PDIA6: variants seen among roughly 807,000 people sequenced by gnomAD.
The protein encoded by PDIA6 is protein disulfide-isomerase A6.
Under a neutral mutation model 58.4 loss-of-function variants are expected in PDIA6, and 29 were observed. The ratio of observed to expected loss-of-function variants is 0.50; its 90% CI spans 0.37 to 0.68. The LOEUF (loss-of-function observed/expected upper bound fraction) is 0.68. Among genes scored for constraint, PDIA6 ranks in the 30% least tolerant of loss-of-function variants. PDIA6 has a pLI of 0.00. For synonymous variants in PDIA6, 192 were observed against 202.6 expected (o/e 0.95, Z 0.44); for missense variants, 480 against 551.0 (o/e 0.87, Z 1.29).
upstream of PDIA6, among the ~76,000 whole-genome samples, chr2:10,813,999 A>G (rs1222809125): frequency 6.6e-6 from 1 of 152,204 alleles, no homozygotes; most frequent in Non-Finnish European, 1.5e-5. Flanking sequence ...TGCTAGGATT[A>G]CAGTTGTGAG....
At chr2:10,828,206 T>C (rs192063120) in intron 1 of PDIA6, among the ~76,000 whole-genome samples, 1 of 152,362 alleles carries the variant, frequency 6.6e-6, no homozygotes, top group Admixed American at 6.5e-5. Flanking sequence ...TCTACTCTTA[T>C]AGTATCAGAC....
intron 6 of PDIA6, among the ~76,000 whole-genome samples, chr2:10,791,204 T>C (rs1666020372): frequency 6.6e-6 from 1 of 152,084 alleles, no homozygotes; most frequent in East Asian, 1.9e-4. Context: ...AGCGCAGTGG[T>C]GTGAGCTTGG....
intron 4 of PDIA6, among the ~76,000 whole-genome samples, chr2:10,793,514 G>A (rs1009347026): frequency 6.6e-6 from 1 of 151,960 alleles, no homozygotes; most frequent in Non-Finnish European, 1.5e-5. Context: ...TCCCGGGTTC[G>A]AGTGATTTCT....
intron 2 of PDIA6, among the ~76,000 whole-genome samples, chr2:10,801,284 A>T (rs1666501544): frequency 6.6e-6 from 1 of 152,192 alleles, no homozygotes; most frequent in Non-Finnish European, 1.5e-5. Context: ...TCTCAAAAAA[A>T]GCGCTTGCTC....
At chr2:10,816,612 T>G (rs1667205201), upstream of PDIA6, among the ~76,000 whole-genome samples, 1 of 151,888 alleles carries the variant, frequency 6.6e-6, no homozygotes. Flanking sequence ...CATTTAGGTT[T>G]ATCTGAAATT....
At chr2:10,807,333 C>A (rs1453696678) in intron 1 of PDIA6, among the ~76,000 whole-genome samples, 1 of 152,164 alleles carries the variant, frequency 6.6e-6, no homozygotes, top group African/African-American at 2.4e-5. Flanking sequence ...CACCTCAGCA[C>A]CCCCAGTAGC....
chr2:10,803,759 C>G (rs890944934), intron 1 of PDIA6, among the ~76,000 whole-genome samples: 1 of 152,124 alleles, frequency 6.6e-6, no homozygotes, highest in African/African-American at 2.4e-5. Context: ...CATATACAGT[C>G]ACATCCACAG....
chr2:10,827,627 C>A (rs1364108527), intron 1 of PDIA6, among the ~76,000 whole-genome samples: 1 of 151,864 alleles, frequency 6.6e-6, no homozygotes, highest in African/African-American at 2.4e-5. Context: ...AGTTCAAGAC[C>A]AGCCTGGCCA....
rs1324790311 is a variant in PDIA6, at chr2:10,788,759, G to C, written c.936C>G (p.Gly312=). 1.2e-6 allele frequency: 2 copies of C among 1,612,146 alleles called. No individual in the cohort carries two copies. The highest frequency in any genetic ancestry group is 1.7e-6 in the Non-Finnish European group (2 of 1,178,212). ...LPHILDTGAA[G]RNSYLEVLLK... The stretch of plus-strand genomic sequence containing the variant: ...GAAGAACTTCCAGATAAGAATTTCT[G>C]CCTGCAGCTCCTGATTTAAATAGAC... The change falls in exon 10 of 13, where the codon GGC becomes GGG. Residue 312 remains glycine, a synonymous_variant. Coordinates refer to ENST00000272227, the MANE Select transcript of PDIA6 (RefSeq NM_005742.4).
At chr2:10,834,799 C>T (rs1667795064), upstream of PDIA6, among the ~76,000 whole-genome samples, 1 of 142,104 alleles carries the variant, frequency 7.0e-6, no homozygotes, top group Non-Finnish European at 1.5e-5. Flanking sequence ...ACAGAGTCTG[C>T]TCTGTTGCCC....
chr2:10,800,298 C>T (rs1457016505), intron 2 of PDIA6, among the ~76,000 whole-genome samples: 1 of 152,206 alleles, frequency 6.6e-6, no homozygotes, highest in Non-Finnish European at 1.5e-5. Flanking sequence ...ACATGACACT[C>T]ACAGGAAACA....
At chr2:10,816,339 A>G (rs1214515750), upstream of PDIA6, among the ~76,000 whole-genome samples, 2 of 141,414 alleles carry the variant, frequency 1.4e-5, no homozygotes, top group Non-Finnish European at 3.0e-5. Context: ...ACCCGTCTCG[A>G]CCTCCCAAAG....
At chr2:10,787,006 AAG>A (rs1665796168) in intron 11 of PDIA6, among the ~76,000 whole-genome samples, 2 of 152,184 alleles carry the variant, frequency 1.3e-5, no homozygotes, top group Non-Finnish European at 2.9e-5. Context: ...GAGAATGAGA[AAG>A]AGCCCAGGGC....
chr2:10,825,319 C>T (rs1667524457), intron 1 of PDIA6, among the ~76,000 whole-genome samples: 2 of 151,574 alleles, frequency 1.3e-5, no homozygotes, highest in Admixed American at 1.3e-4. Flanking sequence ...TATATATATC[C>T]TATTAGTTCT....
intron 1 of PDIA6, chr2:10,820,849 G>A (rs769941558): frequency 1.6e-5 from 11 of 702,906 alleles, no homozygotes; most frequent in South Asian, 5.9e-5. Flanking sequence ...AGCTTCTCCC[G>A]GAGGTCTCTT....
chr2:10,797,050 G>C, intron 4 of PDIA6, 31 bp downstream of exon 4: 1 of 1,604,114 alleles, frequency 6.2e-7, no homozygotes, highest in African/African-American at 1.3e-5. Flanking sequence ...TTGTCTACCA[G>C]GGGAATGAAG....
At chr2:10,797,627 G>A in intron 3 of PDIA6, 73 bp downstream of exon 3, 3 of 1,009,742 alleles carry the variant, frequency 3.0e-6, no homozygotes, top group Non-Finnish European at 4.7e-6. Flanking sequence ...ACATACACAG[G>A]TGAATATGGA....
intron 7 of PDIA6, 80 bp downstream of exon 7, chr2:10,790,639 A>T (rs1280645325): frequency 3.0e-6 from 3 of 987,328 alleles, no homozygotes; most frequent in African/African-American, 3.2e-5. Flanking sequence ...TTACTACCTC[A>T]TAGGGAGGCC....
intron 3 of PDIA6, 27 bp downstream of exon 3, chr2:10,797,673 A>C (rs549162637): frequency 1.3e-6 from 2 of 1,587,922 alleles, no homozygotes; most frequent in South Asian, 2.3e-5. Context: ...AAGTTTTGTA[A>C]GCCTTTTGCA....
Sources: allele counts gnomAD v4.1 joint callset (sites outside exome capture counted in the v4.1 genomes callset), GRCh38; gene constraint gnomAD v4.1.1; transcripts MANE v1.5; gene names NCBI Gene and HGNC (gene_info 2026-07-23, HGNC 2026-07-21).